USP33: variants seen among roughly 807,000 people sequenced by gnomAD.
USP33 encodes the protein ubiquitin specific peptidase 33.
A neutral mutation model predicts 124.2 loss-of-function variants in USP33; 46 were observed. The ratio of observed to expected loss-of-function variants is 0.37; its 90% CI spans 0.29 to 0.47. The LOEUF (loss-of-function observed/expected upper bound fraction) is 0.47. Among genes scored for constraint, USP33 ranks in the 20% least tolerant of loss-of-function variants. USP33 has a pLI of 0.99. For missense variants in USP33, 851 were observed against 1,070.6 expected (o/e 0.79, Z 2.86); for synonymous variants, 350 against 352.3 (o/e 0.99, Z 0.07).
At chr1:77,759,416 T>A (rs980329210) in intron 1 of USP33, 8 of 394,166 alleles carry the variant, frequency 2.0e-5, no homozygotes, top group Admixed American at 4.4e-5. Context: ...GTTCCCATCC[T>A]CCACCGACCG....
rs532252191 is a variant in USP33, at chr1:77,724,292, T to TAA, written c.1277-850_1277-849insTT. Among the ~76,000 whole-genome samples, 1,518 of 152,296 alleles carry TAA rather than the reference T, an allele frequency of 1.0e-2. 15 individuals are homozygous for TAA. Among genetic ancestry groups the TAA allele is most frequent in the Non-Finnish European group, 0.016 (1,114 of 68,016 alleles). On this transcript the variant is annotated intron_variant, in intron 11 of 23. Transcript: ENST00000370794. ...ATTATTTAAAGTTTTTAAGAGTTCT[T>TAA]TATATATTTCTGGATACATGTCCTT...
chr1:77,725,559 C>A lies in USP33; in HGVS notation c.1276+63G>T, dbSNP rs1570790087. 1.9e-5 allele frequency: 30 copies of A among 1,545,490 alleles called. 1 individual carries two copies. In the South Asian group the frequency reaches 3.2e-4, roughly 16 times the overall value. On this transcript the variant is annotated intron_variant, in intron 11 of 23. Transcript: ENST00000370794. Reference sequence around the variant, plus strand: ...AATTAACACTTTAAATTATCAAGTACCAAAACCATCATTTTAAACTAAGAC... The same window carrying A: ...AATTAACACTTTAAATTATCAAGTAACAAAACCATCATTTTAAACTAAGAC...
Position 77,749,663 on chromosome 1 carries a change from T to C in USP33, c.-51-7915A>G, listed in dbSNP as rs545068382. ...TCCCAAAGTGCCGGAATTACAGGCATGAATCACTGCACCCAGCCTGGTTTT... is the reference window on the plus strand; with the variant it reads ...TCCCAAAGTGCCGGAATTACAGGCACGAATCACTGCACCCAGCCTGGTTTT... On this transcript the variant is annotated intron_variant, in intron 1 of 23. Transcript: ENST00000370794. Among the ~76,000 whole-genome samples, 24 of 152,312 alleles carry C rather than the reference T, an allele frequency of 1.6e-4. No homozygotes were observed. In the South Asian group the frequency reaches 4.3e-3, roughly 28 times the overall value.
In USP33 at chr1:77,748,658, A is replaced by G. The variant is rs1446110535; in HGVS notation, c.-51-6910T>C. The stretch of plus-strand genomic sequence containing the variant: ...CACTCCATCCTGGCGACACAGCGAG[A>G]CTCCGTCTCAAAAAAAAAAAAAAAG... On this transcript the variant is annotated intron_variant, in intron 1 of 23. Transcript: ENST00000370794. Among the ~76,000 whole-genome samples the G allele has an allele frequency of 2.1e-5, 3 of 142,706 alleles. No individual in the cohort carries two copies. In the East Asian group the frequency reaches 6.1e-4, roughly 29 times the overall value. 93.6% of individuals were successfully genotyped at this position (142,706 alleles called of 152,430 possible). A position where few individuals can be genotyped will look rare whatever the true frequency, so the allele number is the denominator to read the frequency against.
intron 1 of USP33, among the ~76,000 whole-genome samples, chr1:77,750,621 T>TG (rs1553201861): frequency 1.2e-5 from 1 of 82,622 alleles, no homozygotes; most frequent in African/African-American, 5.1e-5. Context: ...GACCCTGACT[T>TG]AAAAAAGAAA....
rs926921823 is a variant in USP33 at position 77,759,752 on chromosome 1, G to A, written c.-161C>T. 5 of 397,908 alleles carry A rather than the reference G, an allele frequency of 1.3e-5. No homozygotes were observed. Among genetic ancestry groups the A allele is most frequent in the Non-Finnish European group, 1.8e-5 (4 of 225,630 alleles). The allele number at this position is 397,908 out of a possible 1,614,324, so 24.6% of individuals were successfully genotyped here. On this transcript the variant is annotated 5_prime_UTR_variant, in exon 1 of 24. In the 5' UTR this introduces an upstream ATG that the reference lacks. Coordinates refer to ENST00000370794, the MANE Select transcript of USP33 (RefSeq NM_201624.3). Reference sequence around the variant, plus strand: ...AGCTCTCGGAGAGGGGCAGTGTCGCGTCAGGAGGGCCGGAAAACGGCCCCG... The same window carrying A: ...AGCTCTCGGAGAGGGGCAGTGTCGCATCAGGAGGGCCGGAAAACGGCCCCG...
At chr1:77,734,276 T>C (rs1678171510) in intron 7 of USP33, 71 bp downstream of exon 7, 9 of 1,207,482 alleles carry the variant, frequency 7.5e-6, no homozygotes, top group Admixed American at 2.6e-5. Context: ...CTACTATAGT[T>C]GCAAGGTTTT....
At chr1:77,743,835 A>G (rs890324059) in intron 1 of USP33, among the ~76,000 whole-genome samples, 7 of 152,198 alleles carry the variant, frequency 4.6e-5, no homozygotes, top group Non-Finnish European at 5.9e-5. Context: ...TCTGTCTTTA[A>G]AAAGTTCAAA....
intron 1 of USP33, among the ~76,000 whole-genome samples, chr1:77,756,716 C>T (rs1188634440): frequency 6.6e-6 from 1 of 152,218 alleles, no homozygotes; most frequent in Non-Finnish European, 1.5e-5. Flanking sequence ...CCACTATTAA[C>T]CTTTTTTCCT....
At chr1:77,697,971 G>T (rs1270968380) in intron 22 of USP33, 40 bp from the exon 23 acceptor site, 3 of 1,556,906 alleles carry the variant, frequency 1.9e-6, no homozygotes, top group East Asian at 2.3e-5. Context: ...TCAAAGAAAT[G>T]TAACAAAAAA....
At chr1:77,714,499 G>T in intron 19 of USP33, 115 bp downstream of exon 19, 1 of 1,023,538 alleles carries the variant, frequency 9.8e-7, no homozygotes, top group Non-Finnish European at 1.4e-6. Context: ...CATTAAGTTT[G>T]AATGCAGGTG....
Position 77,728,407 on chromosome 1 carries a change from A to G in USP33, c.1023T>C (p.Ile341=), listed in dbSNP as rs923195751. 6 of 1,614,008 alleles carry G rather than the reference A, an allele frequency of 3.7e-6. No homozygotes were observed. The highest frequency in any genetic ancestry group is 5.1e-6 in the Non-Finnish European group (6 of 1,179,988). The change falls in exon 10 of 24, where the codon ATT becomes ATC. Residue 341 remains isoleucine, a synonymous_variant. Coordinates refer to ENST00000370794, the MANE Select transcript of USP33 (RefSeq NM_201624.3). ...DWQKEKMCNK[I]NKVNSEGEFD... ...ATTCGCCTTCAGAATTTACTTTATT[A>G]ATCTTATTGCACATCTTCTCTTTTT...
At chr1:77,741,330 T>C in intron 3 of USP33, 46 bp downstream of exon 3, 1 of 1,539,236 alleles carries the variant, frequency 6.5e-7, no homozygotes, top group Non-Finnish European at 8.7e-7. Flanking sequence ...CAGATCCAAA[T>C]TTATTATTAT....
chr1:77,739,497 G>A (rs1483982765), intron 4 of USP33, 80 bp from the exon 5 acceptor site: 6 of 1,366,092 alleles, frequency 4.4e-6, no homozygotes, highest in East Asian at 2.5e-5. Context: ...GATAACAGAA[G>A]ATAAACTGCT....
intron 7 of USP33, among the ~76,000 whole-genome samples, chr1:77,732,823 T>G (rs995188871): frequency 2.3e-4 from 32 of 138,530 alleles, no homozygotes; most frequent in African/African-American, 6.4e-4. Flanking sequence ...TGACGGAGTC[T>G]CACACTGTCA....
Position 77,722,017 on chromosome 1 carries a change from T to C in USP33, c.1562+7A>G. Reference sequence around the variant, plus strand: ...AATCATGTAATACAAAGAAAATAAATACATACCTCTTCACATATTCCATGA... The same window carrying C: ...AATCATGTAATACAAAGAAAATAAACACATACCTCTTCACATATTCCATGA... On this transcript the variant is annotated splice_region_variant and intron_variant, in intron 13 of 23. Coordinates refer to ENST00000370794, the MANE Select transcript of USP33 (RefSeq NM_201624.3). The C allele has an allele frequency of 6.2e-7, 1 of 1,611,676 alleles. No individual in the cohort carries two copies.
At position 77,750,624 on chromosome 1, in the gene USP33, AAAAGAAAGAAAGAAAGAAAG is replaced by A. The variant is rs532432531; in HGVS notation, c.-51-8896_-51-8877del. Among the ~76,000 whole-genome samples, 444 of 123,382 alleles carry A rather than the reference AAAAGAAAGAAAGAAAGAAAG, an allele frequency of 3.6e-3. 3 individuals carry two copies. Among genetic ancestry groups the A allele is most frequent in the Middle Eastern group, 0.012 (3 of 252 alleles). 80.9% of individuals were successfully genotyped at this position (123,382 alleles called of 152,430 possible). On this transcript the variant is annotated intron_variant, in intron 1 of 23. Coordinates refer to ENST00000370794, the MANE Select transcript of USP33 (RefSeq NM_201624.3). Reference sequence around the variant, plus strand: ...GCAACACAGCAAGACCCTGACTTAAAAAAGAAAGAAAGAAAGAAAGAAAGAAAGAAAGAAAGAAAGAAAGA... The same window carrying A: ...GCAACACAGCAAGACCCTGACTTAAAAAAGAAAGAAAGAAAGAAAGAAAGA...
At chr1:77,743,270 A>G (rs1013273325) in intron 1 of USP33, among the ~76,000 whole-genome samples, 1 of 152,122 alleles carries the variant, frequency 6.6e-6, no homozygotes, top group African/African-American at 2.4e-5. Flanking sequence ...AACCCATTGC[A>G]ATAAATTTGC....
intron 1 of USP33, among the ~76,000 whole-genome samples, chr1:77,751,138 G>C (rs763222282): frequency 6.6e-6 from 1 of 152,202 alleles, no homozygotes; most frequent in Non-Finnish European, 1.5e-5. Flanking sequence ...AAATCACAAA[G>C]AGTGCACAAG....
Sources: allele counts gnomAD v4.1 joint callset (sites outside exome capture counted in the v4.1 genomes callset), GRCh38; gene constraint gnomAD v4.1.1; transcripts MANE v1.5; gene names NCBI Gene and HGNC (gene_info 2026-07-23, HGNC 2026-07-21).